The following CUX1 variants were observed in gnomAD, a reference collection of about 807,000 sequenced individuals.
CUX1 encodes cut like homeobox 1.
In CUX1, 31 loss-of-function variants were observed where a neutral mutation model predicts 158.8. The ratio of observed to expected loss-of-function variants is 0.20; its 90% CI spans 0.15 to 0.26. CUX1 has a LOEUF of 0.26. Among genes scored for constraint, CUX1 ranks in the 10% least tolerant of loss-of-function variants. The pLI is 1.00. For missense variants in CUX1, 1,589 were observed against 2,014.6 expected, an observed-to-expected ratio of 0.79 and a Z score of 4.04; for synonymous variants, 879 against 862.1, an observed-to-expected ratio of 1.02 and a Z score of -0.34.
At chr7:102,054,894 C>T (rs1823961662) in intron 3 of CUX1, among the ~76,000 whole-genome samples, 1 of 151,812 alleles carries the variant, frequency 6.6e-6, no homozygotes, top group Non-Finnish European at 1.5e-5. Flanking sequence ...TCACTTCAGC[C>T]TGGGAATTGG....
At chr7:102,161,756 G>T (rs973477890) in intron 9 of CUX1, among the ~76,000 whole-genome samples, 2 of 151,814 alleles carry the variant, frequency 1.3e-5, no homozygotes, top group African/African-American at 2.4e-5. Context: ...GATTATAGGC[G>T]CCCACCATGC....
chr7:101,939,042 A>C (rs1807302478), intron 2 of CUX1, among the ~76,000 whole-genome samples: 3 of 108,324 alleles, frequency 2.8e-5, no homozygotes. Flanking sequence ...ACTCTGTCTC[A>C]AAAAAAAAAA....
chr7:101,863,047 C>A (rs147151626), intron 1 of CUX1, among the ~76,000 whole-genome samples: 1 of 152,162 alleles, frequency 6.6e-6, no homozygotes, highest in African/African-American at 2.4e-5. Flanking sequence ...TCATCGCTCA[C>A]CCGACTTAAA....
At chr7:102,146,592 T>TTTTC (rs1371009317) in intron 8 of CUX1, among the ~76,000 whole-genome samples, 1 of 152,048 alleles carries the variant, frequency 6.6e-6, no homozygotes, top group African/African-American at 2.4e-5. Flanking sequence ...TTGGTTTGTT[T>TTTTC]TTTCTTTCTT....
At chr7:101,883,060 G>T (rs978667977) in intron 1 of CUX1, among the ~76,000 whole-genome samples, 1 of 152,170 alleles carries the variant, frequency 6.6e-6, no homozygotes, top group African/African-American at 2.4e-5. Context: ...GTCCAGGCCA[G>T]TGACTGATTT....
At position 102,216,661 on chromosome 7, in the gene CUX1, ACACACACT is replaced by A. The variant is rs1227126681; in HGVS notation, c.3131-10698_3131-10691del. 3.4e-3 allele frequency among the ~76,000 whole-genome samples: 171 copies of A among 49,654 alleles called. 1 individual carries two copies. The highest frequency in any genetic ancestry group is 7.8e-3 in the African/African-American group (135 of 17,296). The allele number at this position is 49,654 out of a possible 152,430, so 32.6% of individuals were successfully genotyped here. ...CACACGCACACACACACACTCTCCC[ACACACACT>A]CACACACACACACTCCCCCACACAC... On this transcript the variant is annotated intron_variant, in intron 20 of 23. Transcript: ENST00000292535.
chr7:101,856,736 A>G (rs1351216418), intron 1 of CUX1, among the ~76,000 whole-genome samples: 1 of 152,066 alleles, frequency 6.6e-6, no homozygotes, highest in Non-Finnish European at 1.5e-5. Context: ...AACCCTCCCG[A>G]CTTTCACGAG....
At chr7:101,984,127 T>C (rs77033741) in intron 2 of CUX1, among the ~76,000 whole-genome samples, 6 of 28,554 alleles carry the variant, frequency 2.1e-4, no homozygotes, top group African/African-American at 4.8e-4. Context: ...TATATATATA[T>C]ATACACACAC....
At chr7:101,925,713 C>CT (rs1805506099) in intron 2 of CUX1, among the ~76,000 whole-genome samples, 1 of 152,158 alleles carries the variant, frequency 6.6e-6, no homozygotes, top group Non-Finnish European at 1.5e-5. Context: ...AGATGGATTG[C>CT]TTTTGCTCAG....
chr7:101,895,951 G>T (rs1801467135), intron 1 of CUX1, among the ~76,000 whole-genome samples: 1 of 133,014 alleles, frequency 7.5e-6, no homozygotes, highest in Non-Finnish European at 1.5e-5. Flanking sequence ...ACTCTGTCAT[G>T]CAGGCTGGAG....
chr7:102,087,616 C>A (rs1204692193), intron 4 of CUX1, among the ~76,000 whole-genome samples: 1 of 152,088 alleles, frequency 6.6e-6, no homozygotes, highest in Non-Finnish European at 1.5e-5. Context: ...TTTAACTTAT[C>A]ATTTTATACC....
intron 3 of CUX1, among the ~76,000 whole-genome samples, chr7:102,040,047 C>G (rs1821896094): frequency 6.6e-6 from 1 of 152,222 alleles, no homozygotes; most frequent in African/African-American, 2.4e-5. Flanking sequence ...TCAACGCAAC[C>G]TTTTCGGGAG....
At chr7:101,876,309 C>T (rs545938511) in intron 1 of CUX1, among the ~76,000 whole-genome samples, 2 of 141,408 alleles carry the variant, frequency 1.4e-5, no homozygotes, top group South Asian at 2.3e-4. Context: ...GGTGCCACTG[C>T]GTTCCAGCCT....
At chr7:102,220,363 AAC>A (rs1415313845) in intron 20 of CUX1, among the ~76,000 whole-genome samples, 1 of 152,174 alleles carries the variant, frequency 6.6e-6, no homozygotes, top group Non-Finnish European at 1.5e-5. Flanking sequence ...TCCATCTGAA[AAC>A]AAAAAACAAA....
intron 9 of CUX1, among the ~76,000 whole-genome samples, chr7:102,168,907 TC>T (rs1554509580): frequency 2.0e-4 from 24 of 119,068 alleles, no homozygotes; most frequent in South Asian, 4.9e-4. Context: ...TCTTTTCTTT[TC>T]TTTTATTTTC....
intron 3 of CUX1, among the ~76,000 whole-genome samples, chr7:102,060,121 C>CAA (rs35914570): frequency 2.0e-5 from 3 of 151,414 alleles, no homozygotes; most frequent in South Asian, 2.1e-4. Flanking sequence ...TAAAAAAATA[C>CAA]AAAAAAAGTA....
At chr7:102,265,368 AAGAG>A (rs1563516908) in intron 14 of CUX1, among the ~76,000 whole-genome samples, 2 of 151,222 alleles carry the variant, frequency 1.3e-5, no homozygotes, top group African/African-American at 2.4e-5. Context: ...AAAAAAAAAA[AAGAG>A]AAAGAAAGAA....
At chr7:102,016,876 C>A (rs1818658338) in intron 2 of CUX1, among the ~76,000 whole-genome samples, 1 of 152,186 alleles carries the variant, frequency 6.6e-6, no homozygotes, top group Non-Finnish European at 1.5e-5. Context: ...GGCCTAAGAT[C>A]TGGAATAAAT....
rs67714464 is a variant in CUX1, at chr7:101,898,585, C to CTTT, written c.31-17509_31-17507dup. Among the ~76,000 whole-genome samples, 278 of 115,414 alleles carry CTTT rather than the reference C, an allele frequency of 2.4e-3. 4 individuals are homozygous for CTTT. Among genetic ancestry groups the CTTT allele is most frequent in the African/African-American group, 5.9e-3 (181 of 30,518 alleles). 75.7% of individuals were successfully genotyped at this position (115,414 alleles called of 152,430 possible). A position where few individuals can be genotyped will look rare whatever the true frequency, so the allele number is the denominator to read the frequency against. On this transcript the variant is annotated intron_variant, in intron 1 of 23. Transcript: ENST00000292535. ...TTCTTGTTTCTTTCCATTTCTGTGT[C>CTTT]TTTTTTTTTTTTTTTTTTTTTTTGA...
Sources: gnomAD v4.1 joint callset for allele counts (sites outside exome capture counted in the v4.1 genomes callset) on GRCh38, gnomAD v4.1.1 for gene constraint, MANE v1.5 for transcripts, NCBI Gene and HGNC (gene_info 2026-07-23, HGNC 2026-07-21) for gene names.